TNNI3K: variants seen among roughly 807,000 people sequenced by gnomAD.
TNNI3K encodes the protein serine/threonine-protein kinase TNNI3K.
TNNI3K carries 140 observed loss-of-function variants against 114.5 expected under a neutral mutation model. The observed-to-expected ratio is 1.22, with a 90% CI of 1.07 to 1.41. The LOEUF (loss-of-function observed/expected upper bound fraction) is 1.41, where lower values mean the gene tolerates loss of function less well. Among genes scored for constraint, TNNI3K ranks in the 40% most tolerant of loss-of-function variants. The probability of loss-of-function intolerance (pLI) is 0.00; values close to 1 mark genes in which losing one functional copy is unlikely to be tolerated. For missense variants in TNNI3K, 1,125 were observed against 1,007.6 expected (o/e 1.12, Z -1.58); for synonymous variants, 347 against 347.5 (o/e 1.00, Z 0.02).
intron 17 of TNNI3K, among the ~76,000 whole-genome samples, chr1:74,394,324 A>C (rs1663958976): frequency 6.6e-6 from 1 of 152,208 alleles, no homozygotes; most frequent in Non-Finnish European, 1.5e-5. Context: ...TTGAATTTTT[A>C]GAGTCTGTCT....
chr1:74,342,366 T>C (rs755198305), intron 7 of TNNI3K, among the ~76,000 whole-genome samples: 1 of 152,162 alleles, frequency 6.6e-6, no homozygotes, highest in Non-Finnish European at 1.5e-5. Flanking sequence ...CAGCTAAGGA[T>C]ATACATCAGA....
At chr1:74,282,403 G>A (rs750529029) in intron 5 of TNNI3K, among the ~76,000 whole-genome samples, 29 of 151,946 alleles carry the variant, frequency 1.9e-4, no homozygotes, top group Non-Finnish European at 3.2e-4. Flanking sequence ...TCCTTGGTTT[G>A]CAGATGCATT....
At chr1:74,407,552 T>A (rs1257574244) in intron 17 of TNNI3K, among the ~76,000 whole-genome samples, 1 of 152,180 alleles carries the variant, frequency 6.6e-6, no homozygotes, top group African/African-American at 2.4e-5. Context: ...TGAAAATACA[T>A]ATTTGAGTGG....
At chr1:74,363,293 C>G (rs768277993) in intron 11 of TNNI3K, among the ~76,000 whole-genome samples, 2 of 151,958 alleles carry the variant, frequency 1.3e-5, no homozygotes, top group Non-Finnish European at 2.9e-5. Flanking sequence ...GAAAATTTCC[C>G]ATACGTGGGT....
chr1:74,399,452 T>C (rs1664253231), intron 17 of TNNI3K, among the ~76,000 whole-genome samples: 1 of 152,154 alleles, frequency 6.6e-6, no homozygotes, highest in Non-Finnish European at 1.5e-5. Flanking sequence ...GGTTCACCAC[T>C]TTCAGCCTGG....
At chr1:74,349,352 G>A (rs6670911) in intron 9 of TNNI3K, among the ~76,000 whole-genome samples, 15,626 of 152,178 alleles carry the variant, frequency 0.1, 827 homozygotes, top group African/African-American at 0.13. Context: ...GCTTTTTAAT[G>A]TGTTGCTGGA....
intron 21 of TNNI3K, among the ~76,000 whole-genome samples, chr1:74,473,743 T>G (rs1449632176): frequency 6.6e-6 from 1 of 152,072 alleles, no homozygotes; most frequent in Non-Finnish European, 1.5e-5. Context: ...TTGTTCGCTG[T>G]GTATTGGAAG....
intron 4 of TNNI3K, among the ~76,000 whole-genome samples, chr1:74,251,741 G>A (rs1654941134): frequency 6.6e-6 from 1 of 152,152 alleles, no homozygotes. Context: ...TCCCCCAACT[G>A]CTAGAGAGTT....
intron 2 of TNNI3K, among the ~76,000 whole-genome samples, chr1:74,242,156 G>C (rs1016604725): frequency 2.0e-5 from 3 of 152,028 alleles, no homozygotes; most frequent in Non-Finnish European, 4.4e-5. Context: ...ACCCAGAAAA[G>C]TTGTAATTTT....
chr1:74,543,064 C>CTTTTTTTTTTTTTTTTTTT lies in TNNI3K; in HGVS notation c.2432-831_2432-813dup, dbSNP rs60688934. 3.7e-3 allele frequency among the ~76,000 whole-genome samples: 25 copies of CTTTTTTTTTTTTTTTTTTT among 6,750 alleles called. 11 individuals are homozygous for CTTTTTTTTTTTTTTTTTTT. Among genetic ancestry groups the CTTTTTTTTTTTTTTTTTTT allele is most frequent in the Non-Finnish European group, 5.0e-3 (14 of 2,796 alleles). 4.4% of individuals were successfully genotyped at this position (6,750 alleles called of 152,430 possible). On this transcript the variant is annotated intron_variant, in intron 24 of 24. Transcript: ENST00000326637. ...CTTTTCCTTTTCTTTTTCTTTTTCCCTTTTTTTTTTTTTTTTTTTTTTTTT... is the reference window on the plus strand; with the variant it reads ...CTTTTCCTTTTCTTTTTCTTTTTCCCTTTTTTTTTTTTTTTTTTTTTTTTTTTTTTTTTTTTTTTTTTTT...
At chr1:74,344,645 T>G (rs1660907060) in intron 9 of TNNI3K, among the ~76,000 whole-genome samples, 2 of 152,136 alleles carry the variant, frequency 1.3e-5, no homozygotes, top group Non-Finnish European at 2.9e-5. Context: ...AGCTGACACC[T>G]CAGGCTAGTT....
At chr1:74,536,082 G>T (rs75936796) in intron 23 of TNNI3K, among the ~76,000 whole-genome samples, 1 of 152,020 alleles carries the variant, frequency 6.6e-6, no homozygotes, top group African/African-American at 2.4e-5. Context: ...CTGAAGCTTT[G>T]CCTATAATGT....
At chr1:74,266,603 A>T (rs570334660) in intron 4 of TNNI3K, among the ~76,000 whole-genome samples, 35 of 152,140 alleles carry the variant, frequency 2.3e-4, no homozygotes, top group African/African-American at 8.2e-4. Context: ...ACATTTTTAT[A>T]CATCAGTTTC....
intron 21 of TNNI3K, among the ~76,000 whole-genome samples, chr1:74,472,817 T>A (rs1001820997): frequency 6.6e-5 from 10 of 152,144 alleles, no homozygotes; most frequent in Non-Finnish European, 8.8e-5. Flanking sequence ...ACCTGGGACT[T>A]TTAAAATGGT....
At chr1:74,324,206 G>T (rs954745576) in intron 5 of TNNI3K, among the ~76,000 whole-genome samples, 2 of 152,196 alleles carry the variant, frequency 1.3e-5, no homozygotes, top group Admixed American at 6.5e-5. Context: ...CAGGAAACTT[G>T]TTGATATTTA....
intron 23 of TNNI3K, among the ~76,000 whole-genome samples, chr1:74,493,371 T>G (rs973531167): frequency 2.0e-5 from 3 of 152,086 alleles, no homozygotes; most frequent in East Asian, 3.8e-4. Flanking sequence ...GAACTTTACC[T>G]CGATGAAAAC....
chr1:74,336,575 C>T (rs1660480919), intron 7 of TNNI3K, among the ~76,000 whole-genome samples: 1 of 149,590 alleles, frequency 6.7e-6, no homozygotes, highest in Non-Finnish European at 1.5e-5. Context: ...TGTTCAATTC[C>T]CACCTATGAG....
intron 17 of TNNI3K, among the ~76,000 whole-genome samples, chr1:74,407,739 T>C (rs1664685895): frequency 6.6e-6 from 1 of 152,180 alleles, no homozygotes; most frequent in South Asian, 2.1e-4. Context: ...TTCTGTGCTA[T>C]TTGTACAGAA....
intron 17 of TNNI3K, among the ~76,000 whole-genome samples, chr1:74,407,625 A>T (rs533303638): frequency 3.9e-4 from 60 of 152,200 alleles, no homozygotes; most frequent in South Asian, 2.1e-3. Context: ...TGAAGTACTT[A>T]TATATTTCCT....
Sources: gnomAD v4.1 joint callset for allele counts (sites outside exome capture counted in the v4.1 genomes callset) on GRCh38, gnomAD v4.1.1 for gene constraint, MANE v1.5 for transcripts, NCBI Gene and HGNC (gene_info 2026-07-23, HGNC 2026-07-21) for gene names.